MARCO: variants seen among roughly 807,000 people sequenced by gnomAD.
MARCO encodes the protein macrophage receptor with collagenous structure.
MARCO carries 72 observed loss-of-function variants against 70.0 expected under a neutral mutation model. That is an observed-to-expected ratio of 1.03 (90% CI 0.85 to 1.25). MARCO has a LOEUF of 1.25. MARCO is among the 50% of genes most tolerant of loss of function. The probability of loss-of-function intolerance (pLI) is 0.00; values close to 1 mark genes in which losing one functional copy is unlikely to be tolerated. For synonymous variants in MARCO, 273 were observed against 243.1 expected (o/e 1.12, Z -1.14); for missense variants, 696 against 659.3 (o/e 1.06, Z -0.61).
intron 6 of MARCO, 105 bp from the exon 7 acceptor site, chr2:118,977,363 CCTT>C: frequency 2.3e-6 from 2 of 882,834 alleles, no homozygotes; most frequent in African/African-American, 1.7e-5. Flanking sequence ...AGAAAGATCT[CCTT>C]CTGGGAACCT....
At chr2:118,978,804 CTAGTAA>C (rs1398053797) in intron 8 of MARCO, among the ~76,000 whole-genome samples, 2 of 152,050 alleles carry the variant, frequency 1.3e-5, no homozygotes, top group African/African-American at 2.4e-5. Flanking sequence ...TACATGACAA[CTAGTAA>C]TAGGCATTAA....
At chr2:118,947,136 A>G (rs1485400487) in intron 1 of MARCO, among the ~76,000 whole-genome samples, 2 of 152,190 alleles carry the variant, frequency 1.3e-5, no homozygotes, top group Non-Finnish European at 2.9e-5. Flanking sequence ...TCATATCAGC[A>G]TCTTTTACAA....
At chr2:118,980,669 G>A (rs537773096) in intron 8 of MARCO, among the ~76,000 whole-genome samples, 65 of 152,298 alleles carry the variant, frequency 4.3e-4, no homozygotes, top group African/African-American at 1.5e-3. Flanking sequence ...CCCACCCCCA[G>A]GGGAGTGGAG....
chr2:118,982,533 G>C, intron 12 of MARCO, 123 bp downstream of exon 12: 1 of 939,176 alleles, frequency 1.1e-6, no homozygotes, highest in Non-Finnish European at 1.7e-6. Flanking sequence ...TGGCCTCTGA[G>C]GTTCCTGGTT....
Position 118,991,838 on chromosome 2 carries a change from T to C in MARCO, c.1170T>C (p.Pro390=). ...GGCTGGCAGGTCCCAAGGGAGCCCC[T>C]GGACAAGCTGGCCAGAAGGGAGACC... The part of the protein sequence containing the change: ...SPGLAGPKGA[P]GQAGQKGDQG... The change falls in exon 14 of 17, where the codon CCT becomes CCC. Residue 390 remains proline, a synonymous_variant. Transcript: ENST00000327097. 1 of 1,601,158 alleles carries C rather than the reference T, an allele frequency of 6.2e-7. No individual in the cohort carries two copies. Among genetic ancestry groups the C allele is most frequent in the Non-Finnish European group, 8.5e-7 (1 of 1,174,994 alleles).
intron 1 of MARCO, among the ~76,000 whole-genome samples, chr2:118,955,334 GA>G (rs1679815479): frequency 1.3e-5 from 2 of 152,074 alleles, no homozygotes; most frequent in African/African-American, 4.8e-5. Context: ...GATAGAATTG[GA>G]TAAGTAGAAG....
Position 118,942,407 on chromosome 2 carries a change from G to C in MARCO, c.97+10G>C, listed in dbSNP as rs191769023. On this transcript the variant is annotated intron_variant, in intron 1 of 16. Coordinates refer to ENST00000327097, the MANE Select transcript of MARCO (RefSeq NM_006770.4). ...CCTTTCGAAATCAATGGTAAAGTAC[G>C]ATTCCCCAATAATGGAAATGACCAG... 132 of 1,591,218 alleles carry C rather than the reference G, an allele frequency of 8.3e-5. No individual in the cohort carries two copies. In the African/African-American group the frequency reaches 1.6e-3, roughly 19 times the overall value.
chr2:118,962,766 A>G (rs1436056485), intron 1 of MARCO, among the ~76,000 whole-genome samples: 2 of 152,120 alleles, frequency 1.3e-5, no homozygotes, highest in Admixed American at 6.5e-5. Flanking sequence ...GAGCTTTTAA[A>G]TTAAAATTTA....
intron 1 of MARCO, among the ~76,000 whole-genome samples, chr2:118,960,626 A>G (rs975436568): frequency 4.1e-4 from 62 of 152,282 alleles, no homozygotes; most frequent in African/African-American, 1.5e-3. Flanking sequence ...AAAACATTGA[A>G]CCATCCTTGC....
In MARCO at chr2:118,981,668, A is replaced by C. The variant is rs750869114; in HGVS notation, c.901+12A>C. ...TAAAGGAGATCAAGGTAAGAACTACAGGAATCTGGGCATCATCCCAGCTAC... is the reference window on the plus strand; with the variant it reads ...TAAAGGAGATCAAGGTAAGAACTACCGGAATCTGGGCATCATCCCAGCTAC... On this transcript the variant is annotated intron_variant, in intron 10 of 16. Coordinates refer to ENST00000327097, the MANE Select transcript of MARCO (RefSeq NM_006770.4). 6.2e-6 allele frequency: 10 copies of C among 1,613,258 alleles called. No homozygotes were observed. The South Asian group carries it at 9.9e-5, about 16-fold the overall frequency.
At chr2:118,984,151 C>G (rs909751697) in intron 12 of MARCO, among the ~76,000 whole-genome samples, 2 of 152,188 alleles carry the variant, frequency 1.3e-5, no homozygotes, top group South Asian at 4.1e-4. Context: ...TGAGTTCTCC[C>G]TCCCCAGCCC....
chr2:118,993,373 G>A (rs1680660845), intron 16 of MARCO, 73 bp downstream of exon 16: 4 of 1,455,192 alleles, frequency 2.7e-6, no homozygotes, highest in African/African-American at 2.8e-5. Flanking sequence ...GTGGGGTGTT[G>A]GCAAGTGACT....
At position 118,969,143 on chromosome 2, in the gene MARCO, C is replaced by T; in HGVS notation, c.98-17C>T. 6.3e-7 allele frequency: 1 copy of T among 1,587,612 alleles called. No homozygotes were observed. The highest frequency in any genetic ancestry group is 8.7e-7 in the Non-Finnish European group (1 of 1,155,782). ...TGTTCTCTGCAGCAGCCTCCTTCCT[C>T]CTGGCTTGTGTTTCAGTTCCAAAGC... On this transcript the variant is annotated splice_polypyrimidine_tract_variant and intron_variant, in intron 1 of 16. Transcript: ENST00000327097.
At chr2:118,966,851 C>T (rs1417828400) in intron 1 of MARCO, among the ~76,000 whole-genome samples, 4 of 152,158 alleles carry the variant, frequency 2.6e-5, no homozygotes, top group African/African-American at 9.7e-5. Flanking sequence ...TGCCATCCAC[C>T]ACCTCGTGTT....
At chr2:118,960,005 A>C (rs1221855000) in intron 1 of MARCO, among the ~76,000 whole-genome samples, 2 of 151,980 alleles carry the variant, frequency 1.3e-5, no homozygotes, top group Admixed American at 1.3e-4. Context: ...ATACAGGGCA[A>C]TGTATACTGC....
In MARCO at chr2:118,991,770, C is replaced by T. The variant is rs773256546; in HGVS notation, c.1109-7C>T. ...GCACCTGATCAGGGCAGTGTCTCTCCTTCCAGGCCCTGCAGGTGTGAAGGG... is the reference window on the plus strand; with the variant it reads ...GCACCTGATCAGGGCAGTGTCTCTCTTTCCAGGCCCTGCAGGTGTGAAGGG... On this transcript the variant is annotated splice_polypyrimidine_tract_variant and splice_region_variant and intron_variant, in intron 13 of 16. Coordinates refer to ENST00000327097, the MANE Select transcript of MARCO (RefSeq NM_006770.4). The T allele has an allele frequency of 7.7e-6, 12 of 1,561,644 alleles. No individual in the cohort carries two copies. The highest frequency in any genetic ancestry group is 2.0e-5 in the Admixed American group (1 of 51,208).
intron 8 of MARCO, 123 bp from the exon 9 acceptor site, chr2:118,981,286 A>G: frequency 1.5e-6 from 1 of 682,294 alleles, no homozygotes; most frequent in South Asian, 1.8e-5. Flanking sequence ...ACTCGCGGGC[A>G]CCAAGTAGGA....
At chr2:118,980,696 A>G (rs942874141) in intron 8 of MARCO, among the ~76,000 whole-genome samples, 1 of 152,146 alleles carries the variant, frequency 6.6e-6, no homozygotes, top group African/African-American at 2.4e-5. Context: ...ACGGACACCC[A>G]GCTGATGGTG....
intron 3 of MARCO, among the ~76,000 whole-genome samples, chr2:118,970,826 G>A (rs190284398): frequency 1.9e-4 from 29 of 152,330 alleles, no homozygotes; most frequent in African/African-American, 5.5e-4. Context: ...AAAATGGGAA[G>A]AGCCTCGCCC....
Sources: gnomAD v4.1 joint callset for allele counts (sites outside exome capture counted in the v4.1 genomes callset) on GRCh38, gnomAD v4.1.1 for gene constraint, MANE v1.5 for transcripts, NCBI Gene and HGNC (gene_info 2026-07-23, HGNC 2026-07-21) for gene names.